The following ROR2 variants were observed in gnomAD, a reference collection of about 807,000 sequenced individuals.
The protein encoded by ROR2 is tyrosine-protein kinase transmembrane receptor ROR2.
Under a neutral mutation model 74.9 loss-of-function variants are expected in ROR2, and 33 were observed. The observed-to-expected ratio is 0.44, with a 90% confidence interval of 0.33 to 0.59. The LOEUF is 0.59. Among genes scored for constraint, ROR2 ranks in the 20% least tolerant of loss-of-function variants. The pLI is 0.02. For synonymous variants in ROR2, 586 were observed against 558.7 expected, an observed-to-expected ratio of 1.05 and a Z score of -0.69; for missense variants, 1,216 against 1,313.8, an observed-to-expected ratio of 0.93 and a Z score of 1.15.
chr9:91,942,430 G>A (rs1831897691), intron 1 of ROR2, among the ~76,000 whole-genome samples: 1 of 152,118 alleles, frequency 6.6e-6, no homozygotes, highest in Non-Finnish European at 1.5e-5. Flanking sequence ...CATCAAACAT[G>A]TCTTCTTTAA....
chr9:91,883,636 T>C (rs1226654780), intron 1 of ROR2, among the ~76,000 whole-genome samples: 1 of 152,230 alleles, frequency 6.6e-6, no homozygotes, highest in Non-Finnish European at 1.5e-5. Context: ...GAAAATTCTA[T>C]TGGACAGTGC....
chr9:91,781,470 G>A (rs1826617680), intron 1 of ROR2, among the ~76,000 whole-genome samples: 1 of 152,218 alleles, frequency 6.6e-6, no homozygotes. Context: ...TTGGGAAGGA[G>A]CAGCGTATAA....
intron 1 of ROR2, among the ~76,000 whole-genome samples, chr9:91,828,132 G>C (rs1003709514): frequency 1.3e-5 from 2 of 152,214 alleles, no homozygotes; most frequent in African/African-American, 4.8e-5. Context: ...AAAACATTCA[G>C]TCTTCCAGAG....
In ROR2 at chr9:91,730,975, T is replaced by G. The variant is rs775265839; in HGVS notation, c.1118A>C (p.Glu373Ala). ...ATTCTGCGTAAAGCACCAGGGGCCC[T>G]CCATCTGGCCTCCGGGGTTCCGGCA... Reference protein sequence around the residue: ...AYCRNPGGQMEGPWCFTQNKN... With the variant: ...AYCRNPGGQMAGPWCFTQNKN... The change falls in exon 7 of 9, where the codon GAG (glutamate) becomes GCG (alanine). Residue 373 changes from glutamate (E) to alanine (A), a missense_variant. Coordinates refer to ENST00000375708, the MANE Select transcript of ROR2 (RefSeq NM_004560.4). 1.9e-6 allele frequency: 3 copies of G among 1,614,004 alleles called. No homozygotes were observed. Among genetic ancestry groups the G allele is most frequent in the South Asian group, 2.2e-5 (2 of 91,068 alleles).
At chr9:91,913,078 G>A (rs914737788) in intron 1 of ROR2, among the ~76,000 whole-genome samples, 1 of 152,064 alleles carries the variant, frequency 6.6e-6, no homozygotes, top group African/African-American at 2.4e-5. Flanking sequence ...GCAGTGAGTC[G>A]AGATCACGCC....
chr9:91,861,786 A>G lies in ROR2; in HGVS notation c.98-85968T>C, dbSNP rs1487051906. Among the ~76,000 whole-genome samples the G allele has an allele frequency of 2.0e-5, 3 of 152,240 alleles. No individual in the cohort carries two copies. In the East Asian group the frequency reaches 5.8e-4, roughly 29 times the overall value. On this transcript the variant is annotated intron_variant, in intron 1 of 8. Transcript: ENST00000375708. ...AAAAACTTGTGTGCTTCAACAGATA[A>G]CATTAAATAAGTAAAAAGACACAAA...
intron 1 of ROR2, among the ~76,000 whole-genome samples, chr9:91,906,353 C>T: frequency 6.6e-6 from 1 of 152,200 alleles, no homozygotes. Flanking sequence ...ATGGCAGCCT[C>T]TGAGGAAAGT....
intron 1 of ROR2, among the ~76,000 whole-genome samples, chr9:91,903,763 C>A (rs59917975): frequency 6.6e-6 from 1 of 151,960 alleles, no homozygotes; most frequent in Non-Finnish European, 1.5e-5. Context: ...TGGCTTGAGA[C>A]GGGGTTTACT....
chr9:91,876,891 G>A (rs760540099), intron 1 of ROR2, among the ~76,000 whole-genome samples: 83 of 152,044 alleles, frequency 5.5e-4, no homozygotes, highest in Non-Finnish European at 1.0e-3. Context: ...AAAAGGACAC[G>A]AAGAGCATCA....
intron 1 of ROR2, among the ~76,000 whole-genome samples, chr9:91,893,440 T>C (rs1830470682): frequency 1.3e-5 from 2 of 151,486 alleles, no homozygotes; most frequent in African/African-American, 2.4e-5. Context: ...TGTGACTCTG[T>C]CTTAAAAAAA....
In ROR2 at chr9:91,745,624, C is replaced by T. The variant is rs532844709; in HGVS notation, c.495-8106G>A. Among the ~76,000 whole-genome samples the T allele has an allele frequency of 7.9e-5, 12 of 151,940 alleles. No individual in the cohort carries two copies. In the South Asian group the frequency reaches 2.3e-3, roughly 29 times the overall value. ...TATTTTTAGTAGGGATGGGGTTTCA[C>T]CATGTTGGCCAGACTGGTATTGAAC... On this transcript the variant is annotated intron_variant, in intron 4 of 8. Transcript: ENST00000375708.
At chr9:91,849,882 T>C (rs147038913) in intron 1 of ROR2, among the ~76,000 whole-genome samples, 1 of 152,362 alleles carries the variant, frequency 6.6e-6, no homozygotes, top group African/African-American at 2.4e-5. Flanking sequence ...TTGGAGATCT[T>C]TGAGGTTTGA....
intron 1 of ROR2, among the ~76,000 whole-genome samples, chr9:91,819,513 TTC>T (rs1828065087): frequency 6.6e-6 from 1 of 151,994 alleles, no homozygotes. Context: ...TTGGCGTGTG[TTC>T]TGTGTCTGTC....
chr9:91,724,211 G>A lies in ROR2; in HGVS notation c.2283C>T (p.Thr761=), dbSNP rs771840085. 1.9e-6 allele frequency: 3 copies of A among 1,613,158 alleles called. No individual in the cohort carries two copies. ...TCTGCGTGGTGTTGCTGGCCCCCGA[G>A]GTCTGCGCCGAGCTGTTGTAGTTGG... ...NLSNYNSSAQ[T]SGASNTTQTS... The change falls in exon 9 of 9, where the codon ACC becomes ACT. Residue 761 remains threonine (T), a synonymous_variant. Transcript: ENST00000375708.
In ROR2 at chr9:91,791,341, A is replaced by G. The variant is rs1481790651; in HGVS notation, c.98-15523T>C. Among the ~76,000 whole-genome samples, 4 of 152,362 alleles carry G rather than the reference A, an allele frequency of 2.6e-5. No individual in the cohort carries two copies. The South Asian group carries it at 8.3e-4, about 32-fold the overall frequency. Reference sequence around the variant, plus strand: ...GCCTTGAAGCAATAAGCTCTACCATATAGCTGAGGGGTATAGTAGGCTAAA... The same window carrying G: ...GCCTTGAAGCAATAAGCTCTACCATGTAGCTGAGGGGTATAGTAGGCTAAA... On this transcript the variant is annotated intron_variant, in intron 1 of 8. Transcript: ENST00000375708.
intron 4 of ROR2, among the ~76,000 whole-genome samples, chr9:91,752,766 C>T (rs1402144401): frequency 6.6e-6 from 1 of 152,200 alleles, no homozygotes; most frequent in African/African-American, 2.4e-5. Context: ...TAAACAGATA[C>T]TGAACTCTCA....
chr9:91,887,510 A>AT (rs1459983034), intron 1 of ROR2, among the ~76,000 whole-genome samples: 1 of 152,198 alleles, frequency 6.6e-6, no homozygotes, highest in Non-Finnish European at 1.5e-5. Context: ...GTCAATAAAT[A>AT]TATCACAAGT....
chr9:91,726,520 G>GA, intron 8 of ROR2, 21 bp downstream of exon 8: 2 of 1,609,788 alleles, frequency 1.2e-6, no homozygotes, highest in Non-Finnish European at 8.5e-7. Context: ...CACCCGGGTA[G>GA]AAAATGTAAG....
intron 1 of ROR2, among the ~76,000 whole-genome samples, chr9:91,844,669 C>G (rs1430972580): frequency 1.3e-5 from 2 of 152,168 alleles, no homozygotes; most frequent in Non-Finnish European, 2.9e-5. Context: ...GTCCAGCCCC[C>G]ATACTGGCGG....
Sources: allele counts gnomAD v4.1 joint callset (sites outside exome capture counted in the v4.1 genomes callset), GRCh38; gene constraint gnomAD v4.1.1; transcripts MANE v1.5; gene names NCBI Gene and HGNC (gene_info 2026-07-23, HGNC 2026-07-21).